The following PLCG1 variants were observed in gnomAD, a reference collection of about 807,000 sequenced individuals.
PLCG1 encodes 1-phosphatidylinositol 4,5-bisphosphate phosphodiesterase gamma-1.
A neutral mutation model predicts 177.8 loss-of-function variants in PLCG1; 71 were observed. The ratio of observed to expected loss-of-function variants is 0.40; its 90% CI spans 0.33 to 0.49. The LOEUF is 0.49. PLCG1 is among the 20% of genes least tolerant of loss of function. The pLI is 0.72. For synonymous variants in PLCG1, 658 were observed against 647.9 expected (o/e 1.02, Z -0.24); for missense variants, 1,281 against 1,709.0 (o/e 0.75, Z 4.42).
intron 1 of PLCG1, among the ~76,000 whole-genome samples, chr20:41,154,141 G>A (rs2035248333): frequency 6.6e-6 from 1 of 152,162 alleles, no homozygotes; most frequent in Non-Finnish European, 1.5e-5. Context: ...CAGAGAGATG[G>A]GTCCAGGCCT....
At chr20:41,141,621 G>A (rs1242739939) in intron 1 of PLCG1, among the ~76,000 whole-genome samples, 1 of 152,240 alleles carries the variant, frequency 6.6e-6, no homozygotes, top group Non-Finnish European at 1.5e-5. Context: ...AGGAGCACAT[G>A]TCCGGATCTC....
chr20:41,141,848 C>T (rs891499277), intron 1 of PLCG1, among the ~76,000 whole-genome samples: 1 of 152,206 alleles, frequency 6.6e-6, no homozygotes, highest in African/African-American at 2.4e-5. Context: ...GTCCTGGGAC[C>T]CACAACACCT....
chr20:41,151,044 A>G lies in PLCG1; in HGVS notation c.218-8562A>G, dbSNP rs2035152191. Among the ~76,000 whole-genome samples the G allele has an allele frequency of 6.6e-6, 1 of 152,232 alleles. No individual in the cohort carries two copies. The highest frequency in any genetic ancestry group is 1.5e-5 in the Non-Finnish European group (1 of 68,038). On this transcript the variant is annotated intron_variant, in intron 1 of 31. Transcript: ENST00000685551. This position sits in a 1 kb window ranked among gnomAD's most constrained non-coding sequence, Gnocchi z 5.5. ...ATCAGATGATGGAATGAATGACTGC[A>G]TAAGCCGAATAGATCACTGCTGAGT...
At chr20:41,170,935 CTG>C (rs2035878079) in intron 24 of PLCG1, 2 of 152,448 alleles carry the variant, frequency 1.3e-5, no homozygotes, top group Admixed American at 6.5e-5. Flanking sequence ...GAACAGGTGA[CTG>C]GGGTTTGAGC....
At chr20:41,155,982 G>C (rs1378163334) in intron 1 of PLCG1, among the ~76,000 whole-genome samples, 1 of 152,214 alleles carries the variant, frequency 6.6e-6, no homozygotes, top group Admixed American at 6.5e-5. Flanking sequence ...CTTCTTGAAA[G>C]AGCAGGAGAA....
In PLCG1 at chr20:41,164,347, C is replaced by T; in HGVS notation, c.1217+146C>T. On this transcript the variant is annotated intron_variant, in intron 12 of 31. Coordinates refer to ENST00000685551, the MANE Select transcript of PLCG1 (RefSeq NM_002660.3). The surrounding 1 kb of genome is among the most constrained non-coding windows in gnomAD (Gnocchi z 6.4). The stretch of plus-strand genomic sequence containing the variant: ...GTCCTTCCTCTTGGCCTCTCCTCGT[C>T]ACCTGCTCCCTGCTTGAGCTGTTGC... 1 of 768,956 alleles carries T rather than the reference C, an allele frequency of 1.3e-6. No individual in the cohort carries two copies. The highest frequency in any genetic ancestry group is 1.7e-5 in the South Asian group (1 of 57,476). The allele number at this position is 768,956 out of a possible 1,614,324, so 47.6% of individuals were successfully genotyped here.
Position 41,142,989 on chromosome 20 carries a change from C to G in PLCG1, c.217+5131C>G, listed in dbSNP as rs535956332. Among the ~76,000 whole-genome samples the G allele has an allele frequency of 3.0e-4, 46 of 152,290 alleles. No individual in the cohort carries two copies. In the South Asian group the frequency reaches 9.3e-3, roughly 31 times the overall value. ...GCCCTTTGATTCAGAGGCAAGGAGG[C>G]CCGCCCATCCTCTCTTGCAGCTCTC... is the stretch of plus-strand genomic sequence containing the variant. On this transcript the variant is annotated intron_variant, in intron 1 of 31. Transcript: ENST00000685551.
At position 41,162,623 on chromosome 20, in the gene PLCG1, C is replaced by A. The variant is rs773389662; in HGVS notation, c.598-19C>A. 3.9e-5 allele frequency: 63 copies of A among 1,612,372 alleles called. No individual in the cohort carries two copies. Among genetic ancestry groups the A allele is most frequent in the Non-Finnish European group, 3.5e-5 (41 of 1,178,620 alleles). ...GGGGCCTGACTGCCTGACTGGCACT[C>A]CTGCTCTATACCATGCAGGACCTGG... On this transcript the variant is annotated intron_variant, in intron 5 of 31. Transcript: ENST00000685551.
chr20:41,158,218 G>A (rs1244089100), intron 1 of PLCG1, among the ~76,000 whole-genome samples: 1 of 152,130 alleles, frequency 6.6e-6, no homozygotes, highest in Admixed American at 6.5e-5. Context: ...GGGGAGTTGG[G>A]CCGTTAGGAC....
Position 41,160,220 on chromosome 20 carries a change from T to C in PLCG1, c.512+67T>C. ...GGGCATCCAGAACCTTAGCCAGGCCTCTAAGTAGCTGCCCGGAGAGCCAGA... is the reference window on the plus strand; with the variant it reads ...GGGCATCCAGAACCTTAGCCAGGCCCCTAAGTAGCTGCCCGGAGAGCCAGA... On this transcript the variant is annotated intron_variant, in intron 4 of 31. Coordinates refer to ENST00000685551, the MANE Select transcript of PLCG1 (RefSeq NM_002660.3). This position sits in a 1 kb window ranked among gnomAD's most constrained non-coding sequence, Gnocchi z 5.5. 1 of 1,420,610 alleles carries C rather than the reference T, an allele frequency of 7.0e-7. No individual in the cohort carries two copies. The highest frequency in any genetic ancestry group is 9.9e-7 in the Non-Finnish European group (1 of 1,007,048). The allele number at this position is 1,420,610 out of a possible 1,614,324, so 88.0% of individuals were successfully genotyped here.
At chr20:41,145,821 T>TG (rs1310343767) in intron 1 of PLCG1, among the ~76,000 whole-genome samples, 4 of 152,200 alleles carry the variant, frequency 2.6e-5, no homozygotes, top group African/African-American at 9.7e-5. Flanking sequence ...AGATGGGACT[T>TG]GGAGAGTCTC....
At chr20:41,170,010 T>C (rs1346929522) in intron 23 of PLCG1, 102 bp from the exon 24 acceptor site, 2 of 1,068,494 alleles carry the variant, frequency 1.9e-6, no homozygotes, top group African/African-American at 1.6e-5. Flanking sequence ...AAGGAGGAAA[T>C]GGGATGAGAT....
At chr20:41,169,623 C>A in intron 23 of PLCG1, 97 bp downstream of exon 23, 1 of 960,818 alleles carries the variant, frequency 1.0e-6, no homozygotes. Context: ...GATGGCTGAA[C>A]CCCAAAGTCT....
chr20:41,170,489 C>G (rs759359805), intron 24 of PLCG1: 1 of 541,894 alleles, frequency 1.8e-6, no homozygotes, highest in Admixed American at 3.3e-5. Flanking sequence ...ACTGATGGGT[C>G]GTTGAAGTGG....
Position 41,172,530 on chromosome 20 carries a change from A to C in PLCG1, c.3015A>C (p.Arg1005=), listed in dbSNP as rs2035936134. 1 of 1,614,052 alleles carries C rather than the reference A, an allele frequency of 6.2e-7. No homozygotes were observed. The highest frequency in any genetic ancestry group is 1.3e-5 in the African/African-American group (1 of 74,914). ...GCAAGAAGTTCCTTCAGTACAATCG[A>C]CTGCAGCTCTCCCGCATCTACCCCA... is the stretch of plus-strand genomic sequence containing the variant. ...AKGKKFLQYN[R]LQLSRIYPKG... The change falls in exon 26 of 32, where the codon CGA becomes CGC. Residue 1005 remains arginine, a synonymous_variant. Transcript: ENST00000685551. This position sits in a 1 kb window ranked among gnomAD's most constrained non-coding sequence, Gnocchi z 7.0.
At chr20:41,154,453 T>C (rs1333270280) in intron 1 of PLCG1, among the ~76,000 whole-genome samples, 5 of 152,252 alleles carry the variant, frequency 3.3e-5, no homozygotes, top group Admixed American at 3.3e-4. Flanking sequence ...GCCTTTGCTC[T>C]TCTCTTTCTC....
In PLCG1 at chr20:41,165,967, T is replaced by C. The variant is rs1568748739; in HGVS notation, c.1799+141T>C. 1 of 703,794 alleles carries C rather than the reference T, an allele frequency of 1.4e-6. No homozygotes were observed. Among genetic ancestry groups the C allele is most frequent in the Non-Finnish European group, 2.3e-6 (1 of 431,100 alleles). 43.6% of individuals were successfully genotyped at this position (703,794 alleles called of 1,614,324 possible). The stretch of plus-strand genomic sequence containing the variant: ...TACATGGAACATAATTTCACCTACA[T>C]ACACACACACACTCTCTGTCTCACC... On this transcript the variant is annotated intron_variant, in intron 16 of 31. Transcript: ENST00000685551. This position sits in a 1 kb window ranked among gnomAD's most constrained non-coding sequence, Gnocchi z 6.6.
Position 41,169,470 on chromosome 20 carries a change from A to G in PLCG1, c.2594A>G (p.Asn865Ser). 6.2e-7 allele frequency: 1 copy of G among 1,613,566 alleles called. No individual in the cohort carries two copies. Among genetic ancestry groups the G allele is most frequent in the Non-Finnish European group, 8.5e-7 (1 of 1,179,554 alleles). Residue 865 changes from asparagine (N) to serine (S), a missense_variant, in exon 23 of 32, where the codon AAC becomes AGC. Asn to Ser is a conservative substitution (Grantham distance 46, BLOSUM62 1). Transcript: ENST00000685551. ...LEPEREHLDE[N>S]SPLGDLLRGV... is the part of the protein sequence containing the mutation. ...TGCTTCCCACAGCACTTGGACGAGA[A>G]CAGCCCCCTAGGGGACTTGCTGCGG...
rs764678745 is a variant in PLCG1 at position 41,176,140 on chromosome 20, C to G, written c.*1631C>G. ...GGCCCTTTCAACACAGTTGAAAGGC[C>G]CTTCTCTTCCTGAAGCTCTGTTTCC... On this transcript the variant is annotated 3_prime_UTR_variant, in exon 32 of 32. Coordinates refer to ENST00000685551, the MANE Select transcript of PLCG1 (RefSeq NM_002660.3). The G allele has an allele frequency of 2.0e-5, 3 of 152,170 alleles. No individual in the cohort carries two copies. Among genetic ancestry groups the G allele is most frequent in the Non-Finnish European group, 4.4e-5 (3 of 68,028 alleles). 9.4% of individuals were successfully genotyped at this position (152,170 alleles called of 1,614,324 possible).
Sources: gnomAD v4.1 joint callset for allele counts (sites outside exome capture counted in the v4.1 genomes callset) on GRCh38, gnomAD v4.1.1 for gene constraint, Gnocchi (gnomAD v3.1) non-coding constraint, MANE v1.5 for transcripts, NCBI Gene and HGNC (gene_info 2026-07-23, HGNC 2026-07-21) for gene names.